Variants in UBP1 observed in about 807,000 individuals in gnomAD.
The protein encoded by UBP1 is upstream-binding protein 1.
A neutral mutation model predicts 76.1 loss-of-function variants in UBP1; 22 were observed. The ratio of observed to expected loss-of-function variants is 0.29; its 90% confidence interval spans 0.21 to 0.41. The LOEUF is 0.41. UBP1 is among the 10% of genes least tolerant of loss of function. UBP1 has a pLI of 1.00. For synonymous variants in UBP1, 224 were observed against 237.1 expected, an observed-to-expected ratio of 0.94 and a Z score of 0.51; for missense variants, 436 against 668.1, an observed-to-expected ratio of 0.65 and a Z score of 3.83.
chr3:33,411,720 C>G, intron 4 of UBP1, 33 bp from the exon 5 acceptor site: 1 of 1,546,394 alleles, frequency 6.5e-7, no homozygotes, highest in Non-Finnish European at 8.9e-7. Flanking sequence ...ATAAAAACAT[C>G]CACTTTAAAT....
intron 9 of UBP1, among the ~76,000 whole-genome samples, chr3:33,401,628 G>A (rs76863090): frequency 0.013 from 2,023 of 152,268 alleles, 19 homozygotes; most frequent in South Asian, 0.027. Context: ...CTTAGCCCCC[G>A]TGCCTCAATT....
intron 8 of UBP1, 71 bp downstream of exon 8, chr3:33,408,619 G>A: frequency 7.8e-7 from 1 of 1,275,308 alleles, no homozygotes; most frequent in Non-Finnish European, 1.1e-6. Flanking sequence ...ACTTTGCGGT[G>A]GAAGTTGGTC....
chr3:33,430,760 G>A (rs963341211), intron 1 of UBP1, among the ~76,000 whole-genome samples: 5 of 152,150 alleles, frequency 3.3e-5, no homozygotes, highest in African/African-American at 1.2e-4. Context: ...TGCAGCTGCG[G>A]AAAATTTCAG....
intron 2 of UBP1, among the ~76,000 whole-genome samples, chr3:33,421,876 C>T (rs540834111): frequency 6.6e-6 from 1 of 151,988 alleles, no homozygotes; most frequent in African/African-American, 2.4e-5. Context: ...AAACCCCATC[C>T]CTACTAAGAA....
At chr3:33,436,042 C>A (rs72853031) in intron 1 of UBP1, among the ~76,000 whole-genome samples, 16,102 of 152,194 alleles carry the variant, frequency 0.11, 938 homozygotes, top group Admixed American at 0.16. Context: ...ACATAATAAA[C>A]CCTACCCTTG....
chr3:33,413,548 A>C (rs978771915), intron 3 of UBP1, among the ~76,000 whole-genome samples: 11 of 128,770 alleles, frequency 8.5e-5, no homozygotes, highest in Admixed American at 2.4e-4. Context: ...CTCCATCACA[A>C]AAAAAAAAAA....
intron 8 of UBP1, among the ~76,000 whole-genome samples, chr3:33,408,014 A>AT (rs1304829861): frequency 1.3e-5 from 2 of 152,214 alleles, no homozygotes; most frequent in African/African-American, 4.8e-5. Context: ...CCCTGACTGC[A>AT]TATTGGGGGC....
At chr3:33,440,706 GTC>G (rs1243710384), upstream of UBP1, 4 of 152,332 alleles carry the variant, frequency 2.6e-5, no homozygotes, top group East Asian at 1.9e-4. Flanking sequence ...GCTCCCGTGA[GTC>G]TCTGTGTCCC....
intron 14 of UBP1, 62 bp from the exon 15 acceptor site, chr3:33,392,676 T>G (rs889821651): frequency 1.1e-5 from 16 of 1,450,420 alleles, no homozygotes; most frequent in Non-Finnish European, 1.5e-5. Flanking sequence ...CTTAAAATGA[T>G]TTTAAAACAG....
intron 1 of UBP1, among the ~76,000 whole-genome samples, chr3:33,436,824 T>G (rs558235678): frequency 2.8e-4 from 43 of 152,278 alleles, no homozygotes; most frequent in Middle Eastern, 3.4e-3. Flanking sequence ...TCACTCTGTG[T>G]GGGGGAAAAA....
chr3:33,408,230 G>A (rs1269527882), intron 8 of UBP1, among the ~76,000 whole-genome samples: 17 of 152,086 alleles, frequency 1.1e-4, no homozygotes, highest in Admixed American at 1.1e-3. Flanking sequence ...TTAATGTCAA[G>A]CTTGCTGCCA....
intron 1 of UBP1, among the ~76,000 whole-genome samples, chr3:33,426,006 T>TATAG (rs2045007770): frequency 1.3e-5 from 1 of 76,384 alleles, no homozygotes; most frequent in African/African-American, 5.2e-5. Flanking sequence ...AATATATATA[T>TATAG]ATATATATAT....
intron 13 of UBP1, among the ~76,000 whole-genome samples, chr3:33,394,839 A>G (rs75771139): frequency 8.4e-6 from 1 of 118,898 alleles, no homozygotes; most frequent in Non-Finnish European, 1.8e-5. Flanking sequence ...TTTTTTTTTA[A>G]ATAAAGTTTT....
In UBP1 at chr3:33,439,783, G is replaced by A. The variant is rs758638186; in HGVS notation, c.66C>T (p.Ser22=). ...CCAGTTCCTGCCCGATGCCCGAGAG[G>A]CTGGCGTCGAAGTCGTGCACCAGCC... ...ESGLVHDFDA[S]LSGIGQELGA... The change falls in exon 1 of 16, where the codon AGC becomes AGT. Residue 22 remains serine, a synonymous_variant. Coordinates refer to ENST00000283629, the MANE Select transcript of UBP1 (RefSeq NM_014517.5). 7 of 1,612,670 alleles carry A rather than the reference G, an allele frequency of 4.3e-6. No homozygotes were observed. Among genetic ancestry groups the A allele is most frequent in the Admixed American group, 1.7e-5 (1 of 59,954 alleles).
Position 33,411,684 on chromosome 3 carries a change from A to G in UBP1, c.452T>C (p.Ile151Thr). 4 of 1,612,818 alleles carry G rather than the reference A, an allele frequency of 2.5e-6. No homozygotes were observed. The highest frequency in any genetic ancestry group is 1.1e-5 in the South Asian group (1 of 90,974). ...GTCAATTATTCCCACAGACATTGGA[A>G]TATCTATGTTTTAAAAAGAAGTTAC... ...RPGDRLLDLD[I>T]PMSVGIIDTR... Residue 151 changes from isoleucine (I) to threonine (T), a missense_variant, in exon 5 of 16, where the codon ATT (isoleucine) becomes ACT (threonine). Around this residue, in one of 3 missense-constraint regions of UBP1, gnomAD observed 161 missense variants for 237.9 expected, o/e 0.68. Transcript: ENST00000283629.
chr3:33,416,655 AG>A, intron 3 of UBP1, 102 bp downstream of exon 3: 1 of 876,416 alleles, frequency 1.1e-6, no homozygotes, highest in Non-Finnish European at 1.7e-6. Flanking sequence ...AAAGTTAAAA[AG>A]TTGTAATACA....
chr3:33,429,335 A>G (rs545078949), intron 1 of UBP1, among the ~76,000 whole-genome samples: 1 of 152,248 alleles, frequency 6.6e-6, no homozygotes, highest in South Asian at 2.1e-4. Flanking sequence ...AACGGAACTA[A>G]AAGTAGGGTG....
chr3:33,422,684 C>T (rs996275530), intron 2 of UBP1, among the ~76,000 whole-genome samples: 1 of 139,084 alleles, frequency 7.2e-6, no homozygotes, highest in Admixed American at 8.1e-5. Flanking sequence ...ATGATTGTAC[C>T]ACTACACTCC....
chr3:33,402,714 A>G (rs774394495), intron 9 of UBP1, 87 bp downstream of exon 9: 11 of 981,262 alleles, frequency 1.1e-5, no homozygotes, highest in Non-Finnish European at 1.4e-5. Context: ...CAATACAAAC[A>G]AAAGGCTGCT....
Sources: allele counts gnomAD v4.1 joint callset (sites outside exome capture counted in the v4.1 genomes callset), GRCh38; gene constraint gnomAD v4.1.1; regional missense constraint gnomAD v4.1.1; transcripts MANE v1.5; gene names NCBI Gene and HGNC (gene_info 2026-07-23, HGNC 2026-07-21).